The following CMTM7 variants were observed in gnomAD, a reference collection of about 807,000 sequenced individuals.
CMTM7 encodes CKLF like MARVEL transmembrane domain containing 7, also known as CKLF-like MARVEL transmembrane domain-containing protein 7.
Under a neutral mutation model 19.3 loss-of-function variants are expected in CMTM7, and 7 were observed. The observed-to-expected ratio is 0.36, with a 90% confidence interval of 0.21 to 0.68. CMTM7 has a LOEUF of 0.68. Among genes scored for constraint, CMTM7 ranks in the 30% least tolerant of loss-of-function variants. The probability of loss-of-function intolerance (pLI) is 0.60; values close to 1 mark genes in which losing one functional copy is unlikely to be tolerated. For missense variants in CMTM7, 193 were observed against 232.6 expected (o/e 0.83, Z 1.11); for synonymous variants, 87 against 99.3 (o/e 0.88, Z 0.74).
chr3:32,425,867 T>G (rs1215746614), intron 1 of CMTM7, among the ~76,000 whole-genome samples: 1 of 152,114 alleles, frequency 6.6e-6, no homozygotes, highest in East Asian at 1.9e-4. Context: ...GGGATTTGGC[T>G]GGGTGTGGTG....
At chr3:32,423,147 C>T (rs1381812619) in intron 1 of CMTM7, among the ~76,000 whole-genome samples, 1 of 152,176 alleles carries the variant, frequency 6.6e-6, no homozygotes, top group African/African-American at 2.4e-5. Flanking sequence ...GGGCTGGCTT[C>T]TCCTGGGGTA....
In CMTM7 at chr3:32,441,947, C is replaced by T. The variant is rs1057302127; in HGVS notation, c.267C>T (p.Leu89=). The change falls in exon 2 of 5, where the codon CTC becomes CTT. Residue 89 remains leucine (L), a synonymous_variant. Coordinates refer to ENST00000334983, the MANE Select transcript of CMTM7 (RefSeq NM_138410.4). ...CCATTTGCGACTTGATAATGATCCT[C>T]GCCTTTTACCTGGTCCACCTCTTCC... ...VVTICDLIMI[L]AFYLVHLFRF... 12 of 1,614,074 alleles carry T rather than the reference C, an allele frequency of 7.4e-6. No homozygotes were observed. The highest frequency in any genetic ancestry group is 6.7e-5 in the East Asian group (3 of 44,882).
chr3:32,408,888 CTT>C (rs776686894), intron 1 of CMTM7, among the ~76,000 whole-genome samples: 2 of 146,432 alleles, frequency 1.4e-5, no homozygotes, highest in Non-Finnish European at 1.5e-5. Context: ...ATTTTTGTAA[CTT>C]TTTTTTTTTT....
At chr3:32,401,907 G>C (rs1696013210) in intron 1 of CMTM7, among the ~76,000 whole-genome samples, 2 of 152,204 alleles carry the variant, frequency 1.3e-5, no homozygotes, top group Non-Finnish European at 2.9e-5. Flanking sequence ...CAGCCACCCG[G>C]CGCTCCTGGG....
chr3:32,427,282 C>T (rs986825391), intron 1 of CMTM7, among the ~76,000 whole-genome samples: 1 of 152,220 alleles, frequency 6.6e-6, no homozygotes, highest in Non-Finnish European at 1.5e-5. Context: ...TCCCACTGAG[C>T]AGGACAAACA....
At chr3:32,431,395 A>C (rs534100129) in intron 1 of CMTM7, among the ~76,000 whole-genome samples, 1 of 152,292 alleles carries the variant, frequency 6.6e-6, no homozygotes, top group African/African-American at 2.4e-5. Context: ...TTGATTCTAT[A>C]ATTGGAGTAA....
chr3:32,452,431 A>G lies in CMTM7; in HGVS notation c.472A>G (p.Ile158Val), dbSNP rs1559416571. 6.2e-7 allele frequency: 1 copy of G among 1,614,034 alleles called. No homozygotes were observed. Among genetic ancestry groups the G allele is most frequent in the African/African-American group, 1.3e-5 (1 of 74,888 alleles). Residue 158 changes from isoleucine (I) to valine (V), a missense_variant, in exon 4 of 5, where the codon ATA becomes GTA. By Grantham distance (29) the Ile-to-Val change is conservative. Coordinates refer to ENST00000334983, the MANE Select transcript of CMTM7 (RefSeq NM_138410.4). ...GGCCACCTTCCTCTGCATGGCAAGC[A>G]TATGGCTGTCCTATAAGATCTCGTG... ...FMATFLCMASIWLSYKISCVT... is the reference protein window; with the variant it reads ...FMATFLCMASVWLSYKISCVT...
intron 1 of CMTM7, among the ~76,000 whole-genome samples, chr3:32,416,692 A>T (rs1696272483): frequency 6.6e-6 from 1 of 152,044 alleles, no homozygotes; most frequent in Non-Finnish European, 1.5e-5. Context: ...GCCCAACCAT[A>T]TGTACTTGTT....
chr3:32,440,919 T>C (rs1696665144), intron 1 of CMTM7, among the ~76,000 whole-genome samples: 1 of 152,264 alleles, frequency 6.6e-6, no homozygotes, highest in African/African-American at 2.4e-5. Flanking sequence ...AGACTGTTAC[T>C]CATTCTACTT....
chr3:32,426,873 C>T (rs976404465), intron 1 of CMTM7, among the ~76,000 whole-genome samples: 1 of 152,144 alleles, frequency 6.6e-6, no homozygotes, highest in Non-Finnish European at 1.5e-5. Context: ...CTTTTAGACC[C>T]AAGCTCAACC....
At position 32,393,772 on chromosome 3, in the gene CMTM7, CAA is replaced by C. The variant is rs34745605; in HGVS notation, c.159+1725_159+1726del. ...CTGCGTGACGGAGGGAGGCCTGTCT[CAA>C]AAAAAAAAAAAAAAAAAGGTACAAA... On this transcript the variant is annotated intron_variant, in intron 1 of 4. Transcript: ENST00000334983. Among the ~76,000 whole-genome samples the C allele has an allele frequency of 1.0e-3, 95 of 92,408 alleles. 1 individual carries two copies. Among genetic ancestry groups the C allele is most frequent in the African/African-American group, 2.6e-3 (55 of 21,286 alleles). The allele number at this position is 92,408 out of a possible 152,430, so 60.6% of individuals were successfully genotyped here.
At chr3:32,420,144 G>A (rs141884288) in intron 1 of CMTM7, among the ~76,000 whole-genome samples, 113 of 152,318 alleles carry the variant, frequency 7.4e-4, no homozygotes, top group African/African-American at 2.6e-3. Flanking sequence ...GTTTATCTGA[G>A]CAGTCTAGTT....
intron 1 of CMTM7, among the ~76,000 whole-genome samples, chr3:32,395,106 C>T (rs1009835291): frequency 6.6e-6 from 1 of 151,654 alleles, no homozygotes; most frequent in Non-Finnish European, 1.5e-5. Context: ...CTGGGCTCGG[C>T]GATTGTCCCA....
intron 1 of CMTM7, among the ~76,000 whole-genome samples, chr3:32,404,259 C>T (rs1283505717): frequency 6.8e-6 from 1 of 147,758 alleles, no homozygotes; most frequent in Non-Finnish European, 1.5e-5. Flanking sequence ...CTCCCAGGTT[C>T]AAGCAATTAT....
intron 1 of CMTM7, among the ~76,000 whole-genome samples, chr3:32,430,202 C>G (rs1053105550): frequency 3.9e-5 from 6 of 152,212 alleles, no homozygotes; most frequent in East Asian, 3.8e-4. Context: ...CACACCCCCC[C>G]CAAAAGATCC....
chr3:32,398,756 G>A (rs2125618355), intron 1 of CMTM7, among the ~76,000 whole-genome samples: 1 of 152,128 alleles, frequency 6.6e-6, no homozygotes. Context: ...GGCCGAGGCG[G>A]GCGGATGGCT....
chr3:32,406,485 A>G (rs1484510883), intron 1 of CMTM7, among the ~76,000 whole-genome samples: 1 of 152,166 alleles, frequency 6.6e-6, no homozygotes, highest in African/African-American at 2.4e-5. Context: ...GGGGTCTTCC[A>G]TGTCTGCTGT....
intron 1 of CMTM7, among the ~76,000 whole-genome samples, chr3:32,404,997 TG>T (rs1319100089): frequency 6.6e-6 from 1 of 152,216 alleles, no homozygotes; most frequent in East Asian, 1.9e-4. Context: ...AGAGAGGGCC[TG>T]TGAGGGGCCA....
intron 2 of CMTM7, 74 bp downstream of exon 2, chr3:32,442,087 A>C: frequency 7.2e-7 from 1 of 1,397,788 alleles, no homozygotes. Flanking sequence ...GACCTGACAG[A>C]GTTTTTCCCG....
Sources: allele counts gnomAD v4.1 joint callset (sites outside exome capture counted in the v4.1 genomes callset), GRCh38; gene constraint gnomAD v4.1.1; transcripts MANE v1.5; gene names NCBI Gene and HGNC (gene_info 2026-07-23, HGNC 2026-07-21).